Variants in ALDH1A2 observed in about 807,000 individuals in gnomAD.
ALDH1A2 encodes retinal dehydrogenase 2.
ALDH1A2 carries 27 observed loss-of-function variants against 60.3 expected under a neutral mutation model. The observed-to-expected ratio is 0.45, with a 90% CI of 0.33 to 0.62. The LOEUF is 0.62. ALDH1A2 is among the 20% of genes least tolerant of loss of function. The pLI, the probability that ALDH1A2 is intolerant of heterozygous loss-of-function variation, is 0.02. For missense variants in ALDH1A2, 581 were observed against 643.8 expected (o/e 0.90, Z 1.06); for synonymous variants, 289 against 232.4 (o/e 1.24, Z -2.21).
chr15:57,955,187 C>T lies in ALDH1A2; in HGVS notation c.*10G>A, dbSNP rs753548917. 7 of 1,613,820 alleles carry T rather than the reference C, an allele frequency of 4.3e-6. No individual in the cohort carries two copies. Among genetic ancestry groups the T allele is most frequent in the Non-Finnish European group, 5.9e-6 (7 of 1,179,840 alleles). On this transcript the variant is annotated 3_prime_UTR_variant, in exon 13 of 13. Transcript: ENST00000249750. ...GTGCAGGCTGGGCTTCATCCTCCTT[C>T]TTGGCCTTCTTAGGAGTTCTTCTGG...
intron 1 of ALDH1A2, among the ~76,000 whole-genome samples, chr15:58,022,168 T>A (rs1274494449): frequency 6.6e-6 from 1 of 152,112 alleles, no homozygotes; most frequent in Non-Finnish European, 1.5e-5. Context: ...CTGTGGGGGC[T>A]GAACAAAAGC....
intron 7 of ALDH1A2, among the ~76,000 whole-genome samples, chr15:57,974,013 T>C (rs757925163): frequency 2.0e-5 from 3 of 152,318 alleles, no homozygotes; most frequent in Non-Finnish European, 1.5e-5. Flanking sequence ...GAAGATTGCA[T>C]AGGTAGTTGT....
chr15:57,990,912 C>G (rs1255068949), intron 7 of ALDH1A2, among the ~76,000 whole-genome samples: 1 of 151,458 alleles, frequency 6.6e-6, no homozygotes, highest in Non-Finnish European at 1.5e-5. Context: ...ATAGAAGCCT[C>G]TTGACTGACT....
intron 1 of ALDH1A2, among the ~76,000 whole-genome samples, chr15:58,030,279 G>C (rs997121976): frequency 6.6e-6 from 1 of 151,984 alleles, no homozygotes; most frequent in South Asian, 2.1e-4. Flanking sequence ...ACAGAACCAA[G>C]GACAAAAACC....
At chr15:58,010,341 C>T (rs923822143) in intron 4 of ALDH1A2, among the ~76,000 whole-genome samples, 2 of 152,096 alleles carry the variant, frequency 1.3e-5, no homozygotes, top group Non-Finnish European at 2.9e-5. Context: ...CCCAATAATG[C>T]CCCTTCATAC....
intron 7 of ALDH1A2, among the ~76,000 whole-genome samples, chr15:57,985,723 G>A (rs1894677852): frequency 6.6e-6 from 1 of 152,088 alleles, no homozygotes; most frequent in Non-Finnish European, 1.5e-5. Context: ...TACTATTTGA[G>A]GTACTGAGAA....
At chr15:57,993,170 G>C (rs764670433) in intron 5 of ALDH1A2, 97 bp from the exon 6 acceptor site, 10 of 1,434,574 alleles carry the variant, frequency 7.0e-6, no homozygotes, top group Non-Finnish European at 9.6e-6. Flanking sequence ...ACTAGTCCTC[G>C]ACATAAATCT....
intron 4 of ALDH1A2, among the ~76,000 whole-genome samples, chr15:58,001,156 A>C (rs373793367): frequency 1.1e-4 from 16 of 151,924 alleles, no homozygotes; most frequent in Admixed American, 6.6e-4. Flanking sequence ...AACTATCATT[A>C]TCAGCATCTT....
At chr15:57,960,730 A>T in intron 12 of ALDH1A2, 40 bp downstream of exon 12, 4 of 1,537,340 alleles carry the variant, frequency 2.6e-6, no homozygotes, top group Non-Finnish European at 3.6e-6. Context: ...TGATATTTGC[A>T]ATCTATTTCT....
At chr15:57,962,359 T>A (rs1397779050) in intron 9 of ALDH1A2, among the ~76,000 whole-genome samples, 183 bp from the exon 10 acceptor site, 1 of 152,252 alleles carries the variant, frequency 6.6e-6, no homozygotes, top group Non-Finnish European at 1.5e-5. Context: ...TTTGTATGGT[T>A]AATCCTAATA....
At chr15:57,988,531 T>C (rs1894789151) in intron 7 of ALDH1A2, among the ~76,000 whole-genome samples, 1 of 152,182 alleles carries the variant, frequency 6.6e-6, no homozygotes, top group Non-Finnish European at 1.5e-5. Flanking sequence ...TATGAAATTC[T>C]AGAATAGGCA....
At position 57,955,289 on chromosome 15, in the gene ALDH1A2, C is replaced by A. The variant is rs368327264; in HGVS notation, c.1485-20G>T. ...TCTCCCCTGAAACACAGAAATGGGC[C>A]GGGTCAGATACCAGAAGTCCAGGGA... On this transcript the variant is annotated intron_variant, in intron 12 of 12. Transcript: ENST00000249750. The A allele has an allele frequency of 1.2e-6, 2 of 1,613,650 alleles. No homozygotes were observed. The highest frequency in any genetic ancestry group is 1.3e-5 in the African/African-American group (1 of 74,842).
intron 1 of ALDH1A2, among the ~76,000 whole-genome samples, chr15:58,064,300 ATT>A (rs1897117432): frequency 6.6e-6 from 1 of 152,180 alleles, no homozygotes; most frequent in Admixed American, 6.5e-5. Flanking sequence ...GCTTTGAAAA[ATT>A]TGTCACACCA....
chr15:58,038,169 A>T (rs2140552339), intron 1 of ALDH1A2, among the ~76,000 whole-genome samples: 1 of 151,596 alleles, frequency 6.6e-6, no homozygotes, highest in South Asian at 2.1e-4. Context: ...CTCTTTCAAC[A>T]GTATTTACTC....
At chr15:58,008,427 G>GCTCC in intron 4 of ALDH1A2, among the ~76,000 whole-genome samples, 1 of 151,994 alleles carries the variant, frequency 6.6e-6, no homozygotes, top group Non-Finnish European at 1.5e-5. Flanking sequence ...CGCATCAGAT[G>GCTCC]AAAACAGTGA....
intron 7 of ALDH1A2, among the ~76,000 whole-genome samples, chr15:57,966,454 T>C (rs1893900428): frequency 6.6e-6 from 1 of 152,182 alleles, no homozygotes; most frequent in Non-Finnish European, 1.5e-5. Flanking sequence ...TAGACTCACA[T>C]TGGCAATGAA....
intron 1 of ALDH1A2, among the ~76,000 whole-genome samples, chr15:58,037,493 G>C (rs901934001): frequency 6.6e-6 from 1 of 151,558 alleles, no homozygotes; most frequent in Non-Finnish European, 1.5e-5. Flanking sequence ...ATTCAATGTT[G>C]AATAACTAGC....
intron 7 of ALDH1A2, among the ~76,000 whole-genome samples, chr15:57,971,835 C>T (rs933264422): frequency 1.2e-4 from 18 of 152,218 alleles, no homozygotes; most frequent in African/African-American, 4.1e-4. Flanking sequence ...AGCAATCCCG[C>T]CATTCAGCCC....
intron 7 of ALDH1A2, among the ~76,000 whole-genome samples, chr15:57,985,608 T>C (rs974714542): frequency 3.3e-5 from 5 of 152,234 alleles, no homozygotes; most frequent in Admixed American, 2.0e-4. Context: ...GTTCTACTGA[T>C]ACCTCACCTT....
Sources: gnomAD v4.1 joint callset for allele counts (sites outside exome capture counted in the v4.1 genomes callset) on GRCh38, gnomAD v4.1.1 for gene constraint, MANE v1.5 for transcripts, NCBI Gene and HGNC (gene_info 2026-07-23, HGNC 2026-07-21) for gene names.